RNGTT: variants seen among roughly 807,000 people sequenced by gnomAD.
RNGTT encodes the protein mRNA-capping enzyme.
In RNGTT, 33 loss-of-function variants were observed where a neutral mutation model predicts 79.3. That is an observed-to-expected ratio of 0.42 (90% CI 0.32 to 0.56). The LOEUF (loss-of-function observed/expected upper bound fraction) is 0.56. RNGTT is among the 20% of genes least tolerant of loss of function. The probability of loss-of-function intolerance (pLI) is 0.17; values close to 1 mark genes in which losing one functional copy is unlikely to be tolerated. For synonymous variants in RNGTT, 222 were observed against 235.9 expected (o/e 0.94, Z 0.54); for missense variants, 497 against 739.1 (o/e 0.67, Z 3.80).
chr6:88,932,173 A>C (rs1562049644), intron 2 of RNGTT, among the ~76,000 whole-genome samples: 1 of 152,150 alleles, frequency 6.6e-6, no homozygotes, highest in Non-Finnish European at 1.5e-5. Context: ...TGGCCGCTCT[A>C]GGAGGGTCTG....
intron 1 of RNGTT, among the ~76,000 whole-genome samples, chr6:88,947,012 C>T (rs1428146677): frequency 1.9e-5 from 1 of 51,514 alleles, no homozygotes; most frequent in Non-Finnish European, 3.9e-5. Flanking sequence ...ACCTCCCAGC[C>T]GCCTGCCTTG....
chr6:88,773,255 G>T (rs1366367574), intron 12 of RNGTT, among the ~76,000 whole-genome samples: 51 of 142,710 alleles, frequency 3.6e-4, no homozygotes, highest in East Asian at 8.5e-4. Flanking sequence ...TCACTCATAG[G>T]TGGGAATTGA....
chr6:88,955,492 G>A (rs1785396575), intron 1 of RNGTT, among the ~76,000 whole-genome samples: 2 of 149,470 alleles, frequency 1.3e-5, no homozygotes, highest in African/African-American at 4.9e-5. Context: ...GGAGGTTGCA[G>A]TGAGCCAAGA....
At chr6:88,734,484 C>T (rs909788752) in intron 13 of RNGTT, among the ~76,000 whole-genome samples, 3 of 152,068 alleles carry the variant, frequency 2.0e-5, no homozygotes, top group Non-Finnish European at 2.9e-5. Context: ...TCAAAATTCA[C>T]TTCAACTGTT....
intron 13 of RNGTT, among the ~76,000 whole-genome samples, chr6:88,741,036 G>C (rs182200933): frequency 2.6e-5 from 4 of 152,194 alleles, no homozygotes; most frequent in Non-Finnish European, 5.9e-5. Flanking sequence ...AAAATAGTTT[G>C]GAGATTTCTG....
chr6:88,684,600 T>C (rs940316631), intron 13 of RNGTT, among the ~76,000 whole-genome samples: 4 of 152,180 alleles, frequency 2.6e-5, no homozygotes, highest in Non-Finnish European at 4.4e-5. Flanking sequence ...AGTAACAGTA[T>C]AAGAAGTCAA....
At position 88,891,932 on chromosome 6, in the gene RNGTT, A is replaced by T. The variant is rs12663813; in HGVS notation, c.685-17T>A. The T allele has an allele frequency of 2.5e-4, 376 of 1,484,142 alleles. 5 individuals carry two copies. In the East Asian group the frequency reaches 6.8e-3, roughly 27 times the overall value. 91.9% of individuals were successfully genotyped at this position (1,484,142 alleles called of 1,614,324 possible). A position where few individuals can be genotyped will look rare whatever the true frequency, so the allele number is the denominator to read the frequency against. On this transcript the variant is annotated splice_polypyrimidine_tract_variant and intron_variant, in intron 6 of 15. Transcript: ENST00000369485. ...AATAGCGCCCTTTAAAAAAAAAATA[A>T]GAAAAATAAGGGAAAGAAAAATATT...
chr6:88,822,686 TG>T (rs1284259561), intron 11 of RNGTT, among the ~76,000 whole-genome samples: 6 of 152,192 alleles, frequency 3.9e-5, no homozygotes, highest in African/African-American at 1.4e-4. Flanking sequence ...TTTGCAATAG[TG>T]GCAAATCTAT....
chr6:88,813,820 C>G (rs1039736751), intron 11 of RNGTT, among the ~76,000 whole-genome samples: 1 of 152,154 alleles, frequency 6.6e-6, no homozygotes, highest in African/African-American at 2.4e-5. Context: ...TGCTTCCCTC[C>G]ATCACAAGCT....
intron 13 of RNGTT, among the ~76,000 whole-genome samples, chr6:88,753,779 A>G (rs573317979): frequency 6.6e-6 from 1 of 152,196 alleles, no homozygotes; most frequent in African/African-American, 2.4e-5. Context: ...ATCTAAAATC[A>G]TAGATTATAC....
chr6:88,929,831 C>T (rs994257078), intron 2 of RNGTT, among the ~76,000 whole-genome samples: 4 of 149,054 alleles, frequency 2.7e-5, no homozygotes, highest in East Asian at 3.9e-4. Flanking sequence ...CATATACACA[C>T]ATATACATAT....
chr6:88,892,884 T>C (rs1160995223), intron 6 of RNGTT, among the ~76,000 whole-genome samples: 1 of 152,112 alleles, frequency 6.6e-6, no homozygotes, highest in Admixed American at 6.5e-5. Context: ...TTGTCAAATC[T>C]GGAAGAATCC....
At chr6:88,616,658 T>C (rs2127846100) in intron 14 of RNGTT, among the ~76,000 whole-genome samples, 1 of 152,330 alleles carries the variant, frequency 6.6e-6, no homozygotes, top group South Asian at 2.1e-4. Context: ...TGAGAATCTT[T>C]CCATGTGCTT....
At chr6:88,847,966 C>G (rs1012566159) in intron 10 of RNGTT, among the ~76,000 whole-genome samples, 1 of 151,000 alleles carries the variant, frequency 6.6e-6, no homozygotes, top group Non-Finnish European at 1.5e-5. Context: ...AAAAATAAAC[C>G]TCAGAAATAT....
intron 4 of RNGTT, among the ~76,000 whole-genome samples, chr6:88,916,546 G>GT (rs1254452660): frequency 6.6e-6 from 1 of 152,046 alleles, no homozygotes; most frequent in Non-Finnish European, 1.5e-5. Context: ...TCAATATGTT[G>GT]TTTTTTTAGC....
At chr6:88,888,937 A>C (rs1258219092) in intron 8 of RNGTT, among the ~76,000 whole-genome samples, 1 of 152,234 alleles carries the variant, frequency 6.6e-6, no homozygotes, top group African/African-American at 2.4e-5. Flanking sequence ...CTGAGGCAGC[A>C]GAATCGCTTG....
chr6:88,747,140 G>A (rs965562273), intron 13 of RNGTT, among the ~76,000 whole-genome samples: 32 of 152,164 alleles, frequency 2.1e-4, no homozygotes, highest in Non-Finnish European at 2.5e-4. Context: ...TCCTTTGCCT[G>A]GCAAAATAGT....
intron 13 of RNGTT, among the ~76,000 whole-genome samples, chr6:88,684,799 C>T (rs1252464254): frequency 6.6e-6 from 1 of 152,004 alleles, no homozygotes; most frequent in East Asian, 1.9e-4. Flanking sequence ...TACATGTCAA[C>T]ATAGGTTCAT....
At chr6:88,615,697 A>G (rs1772191907) in intron 14 of RNGTT, among the ~76,000 whole-genome samples, 1 of 152,324 alleles carries the variant, frequency 6.6e-6, no homozygotes, top group Non-Finnish European at 1.5e-5. Context: ...TAACAGAAAT[A>G]AGTTTCTAAA....
Sources: gnomAD v4.1 joint callset for allele counts (sites outside exome capture counted in the v4.1 genomes callset) on GRCh38, gnomAD v4.1.1 for gene constraint, MANE v1.5 for transcripts, NCBI Gene and HGNC (gene_info 2026-07-23, HGNC 2026-07-21) for gene names.